Variants in SPOCK1 observed in about 807,000 individuals in gnomAD.
SPOCK1 encodes SPARC (osteonectin), cwcv and kazal like domains proteoglycan 1.
Under a neutral mutation model 55.3 loss-of-function variants are expected in SPOCK1, and 23 were observed. The observed-to-expected ratio is 0.42, with a 90% CI of 0.30 to 0.59. The LOEUF is 0.59. SPOCK1 is among the 20% of genes least tolerant of loss of function. The pLI is 0.22. For synonymous variants in SPOCK1, 226 were observed against 221.0 expected (o/e 1.02, Z -0.20); for missense variants, 499 against 552.5 (o/e 0.90, Z 0.97).
chr5:137,365,831 A>C (rs189388255), intron 2 of SPOCK1, among the ~76,000 whole-genome samples: 1 of 152,332 alleles, frequency 6.6e-6, no homozygotes, highest in East Asian at 1.9e-4. Context: ...AATATTACTC[A>C]TGCAATCAAA....
chr5:137,220,584 T>G (rs539262082), intron 3 of SPOCK1, among the ~76,000 whole-genome samples: 15 of 152,340 alleles, frequency 9.8e-5, no homozygotes, highest in Admixed American at 2.6e-4. Flanking sequence ...GTCTGACTCC[T>G]GAGTCTAGTC....
intron 4 of SPOCK1, among the ~76,000 whole-genome samples, chr5:137,128,883 AC>A (rs1753824884): frequency 6.6e-6 from 1 of 152,238 alleles, no homozygotes; most frequent in African/African-American, 2.4e-5. Context: ...TAGATTATAC[AC>A]ATTCACATTC....
At chr5:137,496,763 G>C (rs376781707) in intron 2 of SPOCK1, among the ~76,000 whole-genome samples, 13 of 152,336 alleles carry the variant, frequency 8.5e-5, no homozygotes, top group East Asian at 3.9e-4. Context: ...AACAGAGCAG[G>C]TCAGGAATGG....
intron 6 of SPOCK1, among the ~76,000 whole-genome samples, chr5:137,001,455 G>A (rs543218017): frequency 2.6e-4 from 40 of 152,266 alleles, no homozygotes; most frequent in African/African-American, 8.2e-4. Flanking sequence ...GATGGTAAAC[G>A]GCAAAACTGA....
intron 2 of SPOCK1, among the ~76,000 whole-genome samples, chr5:137,489,214 A>C (rs1354475803): frequency 6.6e-6 from 1 of 152,204 alleles, no homozygotes; most frequent in Non-Finnish European, 1.5e-5. Flanking sequence ...AAGTAAGTGC[A>C]TGCGTGTCTA....
At chr5:137,189,524 C>T (rs1034304715) in intron 3 of SPOCK1, among the ~76,000 whole-genome samples, 3 of 152,130 alleles carry the variant, frequency 2.0e-5, no homozygotes, top group African/African-American at 2.4e-5. Context: ...ATTAAACTCA[C>T]GGTTACGATA....
intron 2 of SPOCK1, among the ~76,000 whole-genome samples, chr5:137,300,187 CATCT>C (rs927994438): frequency 6.6e-6 from 1 of 152,100 alleles, no homozygotes; most frequent in Non-Finnish European, 1.5e-5. Flanking sequence ...CTCTGGACTC[CATCT>C]GATAAAATTT....
chr5:137,068,677 C>T (rs1400165510), intron 5 of SPOCK1, among the ~76,000 whole-genome samples: 2 of 152,184 alleles, frequency 1.3e-5, no homozygotes, highest in African/African-American at 4.8e-5. Context: ...AATTAAGACT[C>T]AGGTTAAGTA....
intron 2 of SPOCK1, chr5:137,313,682 T>C (rs1428656787): frequency 2.7e-5 from 5 of 186,014 alleles, no homozygotes; most frequent in Admixed American, 1.3e-4. Flanking sequence ...AACCCACTGC[T>C]TGGCCAGGAG....
At chr5:137,286,591 G>A (rs563371703) in intron 2 of SPOCK1, among the ~76,000 whole-genome samples, 2 of 152,180 alleles carry the variant, frequency 1.3e-5, no homozygotes, top group African/African-American at 2.4e-5. Context: ...ACCTCCCAGG[G>A]AGGCAGAATG....
At chr5:137,432,167 G>A (rs1267030043) in intron 2 of SPOCK1, among the ~76,000 whole-genome samples, 2 of 152,198 alleles carry the variant, frequency 1.3e-5, no homozygotes, top group African/African-American at 4.8e-5. Flanking sequence ...AGAGTAAAAT[G>A]ATGCAGCTGC....
chr5:137,322,611 A>G (rs1299258039), intron 2 of SPOCK1, among the ~76,000 whole-genome samples: 1 of 152,152 alleles, frequency 6.6e-6, no homozygotes, highest in Non-Finnish European at 1.5e-5. Flanking sequence ...ATCAGCTTAA[A>G]ATAGATATTA....
At chr5:137,412,619 A>C (rs548849916) in intron 2 of SPOCK1, among the ~76,000 whole-genome samples, 205 of 152,344 alleles carry the variant, frequency 1.3e-3, no homozygotes, top group Non-Finnish European at 2.2e-3. Flanking sequence ...GCTCAGAAAG[A>C]GAAGCAGTCC....
intron 3 of SPOCK1, among the ~76,000 whole-genome samples, chr5:137,253,220 G>A (rs535317345): frequency 6.6e-6 from 1 of 152,282 alleles, no homozygotes; most frequent in South Asian, 2.1e-4. Context: ...CAGAGCAATA[G>A]GTTAGTTCTA....
At chr5:137,169,143 T>C (rs1018351084) in intron 3 of SPOCK1, among the ~76,000 whole-genome samples, 1 of 151,774 alleles carries the variant, frequency 6.6e-6, no homozygotes, top group Non-Finnish European at 1.5e-5. Flanking sequence ...AACAATTGAA[T>C]GTATGGATAT....
At chr5:137,186,843 A>G (rs1342543455) in intron 3 of SPOCK1, among the ~76,000 whole-genome samples, 2 of 152,024 alleles carry the variant, frequency 1.3e-5, no homozygotes, top group Admixed American at 1.3e-4. Flanking sequence ...ACTCCACTTC[A>G]CAAAACTGTT....
chr5:137,140,797 T>C (rs1475815806), intron 3 of SPOCK1, 103 bp from the exon 4 acceptor site: 1 of 723,232 alleles, frequency 1.4e-6, no homozygotes, highest in East Asian at 3.1e-5. Context: ...CTCGCTGTGT[T>C]GCCCAGACTG....
chr5:137,481,331 C>A (rs1753947027), intron 2 of SPOCK1, among the ~76,000 whole-genome samples: 1 of 152,190 alleles, frequency 6.6e-6, no homozygotes, highest in South Asian at 2.1e-4. Context: ...CTCCTTACAG[C>A]CAAGATTTAG....
At chr5:137,432,526 T>G (rs1373650152) in intron 2 of SPOCK1, among the ~76,000 whole-genome samples, 1 of 152,192 alleles carries the variant, frequency 6.6e-6, no homozygotes, top group Non-Finnish European at 1.5e-5. Flanking sequence ...CTGTTAGGAT[T>G]CCTGCCTGAC....
Sources: gnomAD v4.1 joint callset for allele counts (sites outside exome capture counted in the v4.1 genomes callset) on GRCh38, gnomAD v4.1.1 for gene constraint, MANE v1.5 for transcripts, NCBI Gene and HGNC (gene_info 2026-07-23, HGNC 2026-07-21) for gene names.